The following FGGY variants were observed in gnomAD, a reference collection of about 807,000 sequenced individuals.
The protein encoded by FGGY is FGGY carbohydrate kinase domain containing.
A neutral mutation model predicts 71.3 loss-of-function variants in FGGY; 72 were observed. The observed-to-expected ratio is 1.01, with a 90% CI of 0.84 to 1.23. The LOEUF (loss-of-function observed/expected upper bound fraction) is 1.23. Among genes scored for constraint, FGGY ranks in the 50% most tolerant of loss-of-function variants. The pLI is 0.00. For synonymous variants in FGGY, 251 were observed against 250.3 expected, an observed-to-expected ratio of 1.00 and a Z score of -0.02; for missense variants, 668 against 682.3, an observed-to-expected ratio of 0.98 and a Z score of 0.23.
chr1:59,620,489 C>A (rs1180927495), intron 9 of FGGY, among the ~76,000 whole-genome samples: 1 of 151,934 alleles, frequency 6.6e-6, no homozygotes, highest in African/African-American at 2.4e-5. Flanking sequence ...CTGAATTTTA[C>A]TTGGGTTGTT....
At chr1:59,748,208 A>T (rs908985048) in intron 14 of FGGY, among the ~76,000 whole-genome samples, 3 of 152,132 alleles carry the variant, frequency 2.0e-5, no homozygotes, top group African/African-American at 7.2e-5. Context: ...TGGAGCTTAG[A>T]TTCAGGAGGG....
intron 7 of FGGY, among the ~76,000 whole-genome samples, chr1:59,550,188 A>T (rs2095586796): frequency 6.6e-6 from 1 of 152,156 alleles, no homozygotes; most frequent in African/African-American, 2.4e-5. Flanking sequence ...TGGTCATATG[A>T]AGGGCCCCAG....
intron 14 of FGGY, among the ~76,000 whole-genome samples, chr1:59,683,584 C>G (rs2097522628): frequency 1.3e-5 from 2 of 152,186 alleles, no homozygotes; most frequent in African/African-American, 4.8e-5. Flanking sequence ...CAGTTTGTTT[C>G]TAAGTGGCTG....
At chr1:59,617,182 A>G (rs2096764091) in intron 9 of FGGY, among the ~76,000 whole-genome samples, 1 of 152,102 alleles carries the variant, frequency 6.6e-6, no homozygotes, top group South Asian at 2.1e-4. Flanking sequence ...GATGCCACAC[A>G]GTCATAAATA....
intron 1 of FGGY, among the ~76,000 whole-genome samples, chr1:59,308,214 G>A (rs1323398353): frequency 6.6e-6 from 1 of 152,174 alleles, no homozygotes; most frequent in Non-Finnish European, 1.5e-5. Context: ...ATAGCATGGA[G>A]AAAAGAAGAC....
chr1:59,381,049 A>G (rs558234150), intron 5 of FGGY, among the ~76,000 whole-genome samples: 100 of 152,242 alleles, frequency 6.6e-4, no homozygotes, highest in African/African-American at 2.3e-3. Flanking sequence ...TAAATAGGGA[A>G]TCCTTTCCCC....
Position 59,674,026 on chromosome 1 carries a change from T to A in FGGY, c.1418-13T>A, listed in dbSNP as rs1312041645. ...TCTGCTCCCTAACCAAGGTGTGGCC[T>A]TGTCCTGCGCAGGCATGCCTGTGGT... On this transcript the variant is annotated splice_polypyrimidine_tract_variant and intron_variant, in intron 13 of 15. Transcript: ENST00000303721. The A allele has an allele frequency of 6.8e-6, 11 of 1,611,624 alleles. No individual in the cohort carries two copies. Among genetic ancestry groups the A allele is most frequent in the Non-Finnish European group, 9.3e-6 (11 of 1,178,806 alleles).
At chr1:59,360,103 TAAG>T (rs141482264) in intron 4 of FGGY, among the ~76,000 whole-genome samples, 28,361 of 150,660 alleles carry the variant, frequency 0.19, 3,198 homozygotes, top group East Asian at 0.35. Flanking sequence ...TTATTGATAA[TAAG>T]AACTTTATTT....
chr1:59,549,402 T>C (rs775081727), intron 7 of FGGY, among the ~76,000 whole-genome samples: 5 of 152,244 alleles, frequency 3.3e-5, no homozygotes, highest in Non-Finnish European at 7.3e-5. Context: ...TAAAAGAGAA[T>C]CTTTTTCAAG....
intron 7 of FGGY, among the ~76,000 whole-genome samples, chr1:59,545,375 A>G (rs1220338304): frequency 1.3e-5 from 2 of 151,880 alleles, no homozygotes; most frequent in African/African-American, 4.8e-5. Context: ...TCTATTTTTA[A>G]TTTTTACAAA....
At chr1:59,300,379 TATC>T (rs1248121208) in intron 1 of FGGY, among the ~76,000 whole-genome samples, 1 of 152,238 alleles carries the variant, frequency 6.6e-6, no homozygotes, top group African/African-American at 2.4e-5. Context: ...TCTTTATTCT[TATC>T]ATAAGTTCTT....
chr1:59,503,155 A>G (rs1479626147), intron 6 of FGGY, among the ~76,000 whole-genome samples: 1 of 152,174 alleles, frequency 6.6e-6, no homozygotes, highest in Non-Finnish European at 1.5e-5. Flanking sequence ...GTATTTCTAC[A>G]ACTGTAGAAT....
intron 5 of FGGY, among the ~76,000 whole-genome samples, chr1:59,441,829 G>A (rs1448553326): frequency 1.3e-5 from 2 of 152,190 alleles, no homozygotes; most frequent in Non-Finnish European, 2.9e-5. Context: ...AAGTCTGGAA[G>A]AGTCTTTAGG....
chr1:59,683,633 G>A (rs1229009310), intron 14 of FGGY, among the ~76,000 whole-genome samples: 5 of 152,170 alleles, frequency 3.3e-5, no homozygotes, highest in African/African-American at 1.2e-4. Flanking sequence ...GGGAGGTCAG[G>A]AAGAAGATAG....
At chr1:59,696,911 T>C (rs2097664753) in intron 14 of FGGY, among the ~76,000 whole-genome samples, 1 of 152,140 alleles carries the variant, frequency 6.6e-6, no homozygotes, top group African/African-American at 2.4e-5. Context: ...GGGAAGTGCT[T>C]TGTGCATGGC....
chr1:59,633,599 T>C (rs1441410392), intron 10 of FGGY, among the ~76,000 whole-genome samples: 1 of 152,128 alleles, frequency 6.6e-6, no homozygotes, highest in Non-Finnish European at 1.5e-5. Flanking sequence ...GTGGGAGTAA[T>C]AATCAAGGTT....
Position 59,587,757 on chromosome 1 carries a change from TAACA to T in FGGY, c.904-20041_904-20038del, listed in dbSNP as rs2096335788. ...GGGTCCTGTCTGTTAGAAGGAAAAC[TAACA>T]AACAGAAAGGACATCCACACCAAAA... On this transcript the variant is annotated intron_variant, in intron 8 of 15. Coordinates refer to ENST00000303721, the MANE Select transcript of FGGY (RefSeq NM_018291.5). 3.3e-5 allele frequency among the ~76,000 whole-genome samples: 5 copies of T among 152,058 alleles called. No homozygotes were observed. In the South Asian group the frequency reaches 1.0e-3, roughly 31 times the overall value.
At chr1:59,728,653 A>G (rs755718055) in intron 14 of FGGY, among the ~76,000 whole-genome samples, 20 of 151,942 alleles carry the variant, frequency 1.3e-4, no homozygotes, top group Non-Finnish European at 2.8e-4. Flanking sequence ...TTCATTGGGC[A>G]TAGAATTCTA....
At chr1:59,389,521 A>G (rs1023814999) in intron 5 of FGGY, among the ~76,000 whole-genome samples, 2 of 152,114 alleles carry the variant, frequency 1.3e-5, no homozygotes, top group African/African-American at 4.8e-5. Flanking sequence ...CCTTTTGGCT[A>G]TTGTCAATGA....
Sources: gnomAD v4.1 joint callset for allele counts (sites outside exome capture counted in the v4.1 genomes callset) on GRCh38, gnomAD v4.1.1 for gene constraint, MANE v1.5 for transcripts, NCBI Gene and HGNC (gene_info 2026-07-23, HGNC 2026-07-21) for gene names.